The following C12orf56 variants were observed in gnomAD, a reference collection of about 807,000 sequenced individuals.
C12orf56 encodes the protein uncharacterized protein C12orf56.
C12orf56 carries 71 observed loss-of-function variants against 69.9 expected under a neutral mutation model. The ratio of observed to expected loss-of-function variants is 1.02; its 90% CI spans 0.84 to 1.24. The LOEUF is 1.24. Ranked by LOEUF, C12orf56 falls within the 50% of genes most tolerant of loss-of-function variation. C12orf56 has a pLI of 0.00. For missense variants in C12orf56, 732 were observed against 738.5 expected (o/e 0.99, Z 0.10); for synonymous variants, 276 against 274.1 (o/e 1.01, Z -0.07).
chr12:64,371,742 A>T (rs992653222), intron 1 of C12orf56, among the ~76,000 whole-genome samples: 1 of 151,978 alleles, frequency 6.6e-6, no homozygotes, highest in African/African-American at 2.4e-5. Flanking sequence ...AGGCAGGAGA[A>T]TTGCTTGAAT....
rs976699194 is a variant in C12orf56, at chr12:64,349,209, G to T, written c.415+3685C>A. On this transcript the variant is annotated intron_variant, in intron 2 of 12. Transcript: ENST00000543942. ...CAATCCTATCAAAAAGTGGGTTAAGGATATGAATAAACAATTCTCAAAAGA... is the reference window on the plus strand; with the variant it reads ...CAATCCTATCAAAAAGTGGGTTAAGTATATGAATAAACAATTCTCAAAAGA... Among the ~76,000 whole-genome samples the T allele has an allele frequency of 2.0e-5, 3 of 152,206 alleles. No homozygotes were observed. The South Asian group carries it at 6.2e-4, about 32-fold the overall frequency.
At chr12:64,365,315 C>T (rs1047540559) in intron 1 of C12orf56, among the ~76,000 whole-genome samples, 2 of 151,758 alleles carry the variant, frequency 1.3e-5, no homozygotes, top group Non-Finnish European at 2.9e-5. Context: ...CAGGTGCCCG[C>T]CACCAAGCTC....
At chr12:64,379,446 G>C (rs891847868) in intron 1 of C12orf56, among the ~76,000 whole-genome samples, 2 of 151,798 alleles carry the variant, frequency 1.3e-5, no homozygotes, top group Admixed American at 1.3e-4. Context: ...CACCATGCCC[G>C]GCTATTTTTT....
At chr12:64,351,385 T>G (rs1021179814) in intron 2 of C12orf56, among the ~76,000 whole-genome samples, 1 of 152,092 alleles carries the variant, frequency 6.6e-6, no homozygotes, top group African/African-American at 2.4e-5. Flanking sequence ...GTCAAAGCCC[T>G]AGGAAAGAAA....
chr12:64,376,074 C>T (rs891074282), intron 1 of C12orf56, among the ~76,000 whole-genome samples: 12 of 141,670 alleles, frequency 8.5e-5, no homozygotes, highest in African/African-American at 3.1e-4. Flanking sequence ...TGCACCAAAA[C>T]TGCAACGCCT....
At chr12:64,378,857 T>C (rs1488604522) in intron 1 of C12orf56, among the ~76,000 whole-genome samples, 2 of 151,866 alleles carry the variant, frequency 1.3e-5, no homozygotes, top group African/African-American at 2.4e-5. Flanking sequence ...TTGAGACCAG[T>C]CTGGCCACCA....
chr12:64,349,632 T>C (rs1398211272), intron 2 of C12orf56, among the ~76,000 whole-genome samples: 1 of 151,950 alleles, frequency 6.6e-6, no homozygotes, highest in African/African-American at 2.4e-5. Context: ...AATCAATGAG[T>C]GGATAAAGAA....
rs1418751899 is a variant in C12orf56, at chr12:64,266,421, TTGG to T, written c.*759_*761del. ...GATTTTAAAACTCTGGCCTCCGGCCTTGGTGGTTTCTGGTGCAGGAACTGAGAG... is the reference window on the plus strand; with the variant it reads ...GATTTTAAAACTCTGGCCTCCGGCCTTGGTTTCTGGTGCAGGAACTGAGAG... On this transcript the variant is annotated 3_prime_UTR_variant, in exon 13 of 13. Transcript: ENST00000543942. The T allele has an allele frequency of 4.0e-6, 1 of 252,200 alleles. No homozygotes were observed. The highest frequency in any genetic ancestry group is 8.5e-6 in the Non-Finnish European group (1 of 117,634). The allele number at this position is 252,200 out of a possible 1,614,324, so 15.6% of individuals were successfully genotyped here.
intron 5 of C12orf56, among the ~76,000 whole-genome samples, chr12:64,308,372 A>T (rs914540880): frequency 2.6e-5 from 4 of 152,136 alleles, no homozygotes; most frequent in African/African-American, 9.6e-5. Context: ...AAACATAAAA[A>T]TGTTTTCTTA....
chr12:64,308,326 A>AATACATAC (rs530877082), intron 5 of C12orf56, among the ~76,000 whole-genome samples: 3 of 152,160 alleles, frequency 2.0e-5, no homozygotes, highest in Non-Finnish European at 4.4e-5. Flanking sequence ...TGTATCAATA[A>AATACATAC]ATACATACAT....
At chr12:64,352,687 C>T (rs1229013826) in intron 2 of C12orf56, among the ~76,000 whole-genome samples, 1 of 152,078 alleles carries the variant, frequency 6.6e-6, no homozygotes, top group Non-Finnish European at 1.5e-5. Flanking sequence ...TTGGCCAGAC[C>T]CCTTTTTTTC....
chr12:64,343,232 T>A (rs2039098005), intron 2 of C12orf56, among the ~76,000 whole-genome samples: 1 of 152,140 alleles, frequency 6.6e-6, no homozygotes, highest in Admixed American at 6.5e-5. Context: ...GGTCCCTGAA[T>A]TTTAGTCGGA....
At chr12:64,346,186 G>A (rs1408493141) in intron 2 of C12orf56, among the ~76,000 whole-genome samples, 3 of 152,196 alleles carry the variant, frequency 2.0e-5, no homozygotes, top group South Asian at 4.1e-4. Context: ...ACACTAGGCT[G>A]TCTATAGGCT....
At chr12:64,282,542 A>AC (rs1555185883) in intron 8 of C12orf56, among the ~76,000 whole-genome samples, 8 of 151,954 alleles carry the variant, frequency 5.3e-5, no homozygotes, top group Admixed American at 5.2e-4. Context: ...TGGGGGTAAG[A>AC]GGGGGCAGAT....
At chr12:64,336,444 C>T (rs1360250614) in intron 2 of C12orf56, among the ~76,000 whole-genome samples, 3 of 151,904 alleles carry the variant, frequency 2.0e-5, no homozygotes, top group Admixed American at 6.6e-5. Context: ...ACATTATTTT[C>T]GTATGTGTTT....
At chr12:64,358,685 T>G (rs1220311748) in intron 1 of C12orf56, among the ~76,000 whole-genome samples, 1 of 151,314 alleles carries the variant, frequency 6.6e-6, no homozygotes, top group Non-Finnish European at 1.5e-5. Context: ...TCCCAGCTAC[T>G]CGGGAGGCTG....
At chr12:64,295,088 G>A (rs1010520351) in intron 6 of C12orf56, among the ~76,000 whole-genome samples, 8 of 151,968 alleles carry the variant, frequency 5.3e-5, no homozygotes, top group African/African-American at 1.9e-4. Flanking sequence ...TCACCATGCT[G>A]GCCAGGCTGG....
rs2037919727 is a variant in C12orf56 at position 64,266,360 on chromosome 12, A to G, written c.*823T>C. On this transcript the variant is annotated 3_prime_UTR_variant, in exon 13 of 13. Coordinates refer to ENST00000543942, the MANE Select transcript of C12orf56 (RefSeq NM_001170633.2). ...AAACGCTACTGTTTAGCACCACTTTATGTATGTCAGAATGGATGTAGGTTT... is the reference window on the plus strand; with the variant it reads ...AAACGCTACTGTTTAGCACCACTTTGTGTATGTCAGAATGGATGTAGGTTT... 4.9e-6 allele frequency: 1 copy of G among 204,798 alleles called. No individual in the cohort carries two copies. Among genetic ancestry groups the G allele is most frequent in the Non-Finnish European group, 1.0e-5 (1 of 96,018 alleles). The allele number at this position is 204,798 out of a possible 1,614,324, so 12.7% of individuals were successfully genotyped here.
At chr12:64,268,476 C>A (rs1258824833) in intron 12 of C12orf56, among the ~76,000 whole-genome samples, 1 of 152,040 alleles carries the variant, frequency 6.6e-6, no homozygotes, top group Non-Finnish European at 1.5e-5. Context: ...TTATACGCTC[C>A]ATTTATGTAG....
Sources: gnomAD v4.1 joint callset for allele counts (sites outside exome capture counted in the v4.1 genomes callset) on GRCh38, gnomAD v4.1.1 for gene constraint, MANE v1.5 for transcripts, NCBI Gene and HGNC (gene_info 2026-07-23, HGNC 2026-07-21) for gene names.